Variants in ATG16L2 observed in about 807,000 individuals in gnomAD.
ATG16L2 encodes the protein protein Atg16l2.
ATG16L2 carries 77 observed loss-of-function variants against 84.7 expected under a neutral mutation model. The ratio of observed to expected loss-of-function variants is 0.91; its 90% CI spans 0.76 to 1.10. The LOEUF (loss-of-function observed/expected upper bound fraction) is 1.10. Ranked by LOEUF, ATG16L2 falls within the 50% of genes least tolerant of loss-of-function variation. ATG16L2 has a pLI of 0.00. For synonymous variants in ATG16L2, 361 were observed against 342.8 expected (o/e 1.05, Z -0.59); for missense variants, 782 against 817.6 (o/e 0.96, Z 0.53).
intron 9 of ATG16L2, 126 bp from the exon 10 acceptor site, chr11:72,825,176 A>G (rs535403649): frequency 2.0e-4 from 147 of 722,954 alleles, no homozygotes; most frequent in Admixed American, 5.8e-4. Context: ...GGACAGAGAA[A>G]CTGGGGAGGG....
intron 7 of ATG16L2, chr11:72,823,505 G>A (rs965484627): frequency 1.8e-4 from 67 of 370,094 alleles, no homozygotes; most frequent in East Asian, 1.2e-3. Flanking sequence ...GAGGCTGCCC[G>A]CTCTGGGCGC....
Position 72,822,324 on chromosome 11 carries a change from G to T in ATG16L2, c.644+29G>T. 1 of 1,526,436 alleles carries T rather than the reference G, an allele frequency of 6.6e-7. No homozygotes were observed. The allele number at this position is 1,526,436 out of a possible 1,614,324, so 94.6% of individuals were successfully genotyped here. A position where few individuals can be genotyped will look rare whatever the true frequency, so the allele number is the denominator to read the frequency against. ...AGGGAGCAGGCCCCGCCCCTCCTGA[G>T]GAAAGGCCCCGCCCCTGCAGGGAGG... On this transcript the variant is annotated intron_variant, in intron 5 of 17. Coordinates refer to ENST00000321297, the MANE Select transcript of ATG16L2 (RefSeq NM_033388.2). The surrounding 1 kb of genome is among the most constrained non-coding windows in gnomAD (Gnocchi z 4.2).
chr11:72,838,537 C>G (rs1004023548), intron 5 of ATG16L2: 24 of 532,630 alleles, frequency 4.5e-5, no homozygotes, highest in African/African-American at 1.1e-4. Flanking sequence ...AGGGCTGCCC[C>G]CCTCTTTGCT....
intron 4 of ATG16L2, 129 bp from the exon 5 acceptor site, chr11:72,821,915 G>A: frequency 6.3e-6 from 9 of 1,421,062 alleles, no homozygotes; most frequent in Non-Finnish European, 8.3e-6. Flanking sequence ...AGGCTTGGGG[G>A]AGACCTGGCT....
chr11:72,838,547 T>G, intron 5 of ATG16L2: 1 of 544,960 alleles, frequency 1.8e-6, no homozygotes, highest in Admixed American at 3.1e-5. Flanking sequence ...CCCTCTTTGC[T>G]CCTAGGGTCC....
chr11:72,829,567 G>T lies in ATG16L2; in HGVS notation c.*177G>T. 7.3e-7 allele frequency: 1 copy of T among 1,360,690 alleles called. No homozygotes were observed. The highest frequency in any genetic ancestry group is 1.8e-5 in the South Asian group (1 of 56,652). 84.3% of individuals were successfully genotyped at this position (1,360,690 alleles called of 1,614,324 possible). A position where few individuals can be genotyped will look rare whatever the true frequency, so the allele number is the denominator to read the frequency against. ...AAGTATGGGTTGGGGGATTACGCTAGTTTTTCTTTGTATTTTTATCTCTAT... is the reference window on the plus strand; with the variant it reads ...AAGTATGGGTTGGGGGATTACGCTATTTTTTCTTTGTATTTTTATCTCTAT... On this transcript the variant is annotated 3_prime_UTR_variant, in exon 18 of 18. Transcript: ENST00000321297.
intron 1 of ATG16L2, among the ~76,000 whole-genome samples, chr11:72,815,628 G>A (rs1392875308): frequency 4.6e-5 from 7 of 152,092 alleles, no homozygotes; most frequent in African/African-American, 1.7e-4. Context: ...CTAAGCCTCA[G>A]TCTTCTTACT....
In ATG16L2 at chr11:72,838,790, A is replaced by G. The variant is rs1181532105; in HGVS notation, c.*22-3827A>G. 4 of 1,598,364 alleles carry G rather than the reference A, an allele frequency of 2.5e-6. No homozygotes were observed. In the Admixed American group the frequency reaches 7.0e-5, roughly 28 times the overall value. On this transcript the variant is annotated intron_variant, in intron 5 of 5. Coordinates refer to the ATG16L2 transcript ENST00000534905. The stretch of plus-strand genomic sequence containing the variant: ...GCAGTAATGGATGGGCAAGCCCATC[A>G]TCACACCAGTGTGATTTCCACATCT...
At chr11:72,820,258 T>C (rs896596653) in intron 3 of ATG16L2, 3 of 152,218 alleles carry the variant, frequency 2.0e-5, no homozygotes, top group South Asian at 4.1e-4. Context: ...TGGTATGAAG[T>C]GTGTATATGT....
In ATG16L2 at chr11:72,822,078, C is replaced by CTT; in HGVS notation, c.427_428insTT (p.Arg143LeufsTer84). On this transcript the variant is annotated frameshift_variant, in exon 5 of 18. Transcript: ENST00000321297. LOFTEE classifies it high-confidence loss of function. This position sits in a 1 kb window ranked among gnomAD's most constrained non-coding sequence, Gnocchi z 4.2. ...CCTGGAGGCCCGCGTGGCGCAGCTG[C>CTT]GAGAGGCGCGGGCGCAGCAGGCCCA... 1 of 1,522,412 alleles carries CTT rather than the reference C, an allele frequency of 6.6e-7. No individual in the cohort carries two copies. The highest frequency in any genetic ancestry group is 8.7e-7 in the Non-Finnish European group (1 of 1,149,428). The allele number at this position is 1,522,412 out of a possible 1,614,324, so 94.3% of individuals were successfully genotyped here. A position where few individuals can be genotyped will look rare whatever the true frequency, so the allele number is the denominator to read the frequency against.
exon 6 of ATG16L2, chr11:72,843,608 C>T: frequency 1.1e-6 from 1 of 911,382 alleles, no homozygotes; most frequent in African/African-American, 1.7e-5. Flanking sequence ...ATGACAAAAA[C>T]TGGGGATCAA....
At chr11:72,815,685 G>A (rs1859663693) in intron 1 of ATG16L2, among the ~76,000 whole-genome samples, 1 of 152,226 alleles carries the variant, frequency 6.6e-6, no homozygotes, top group South Asian at 2.1e-4. Flanking sequence ...GGGTGCTGCA[G>A]TACCCTGGGG....
chr11:72,838,811 C>G, intron 5 of ATG16L2: 1 of 1,605,828 alleles, frequency 6.2e-7, no homozygotes. Flanking sequence ...GTGATTTCCA[C>G]ATCTTCAATC....
At chr11:72,826,066 T>G in intron 10 of ATG16L2, 107 bp from the exon 11 acceptor site, 3 of 861,222 alleles carry the variant, frequency 3.5e-6, no homozygotes, top group Non-Finnish European at 5.4e-6. Flanking sequence ...AACCTGGGGA[T>G]GTGTCGGGGG....
intron 5 of ATG16L2, chr11:72,837,242 A>G (rs1860756597): frequency 6.6e-6 from 1 of 152,266 alleles, no homozygotes; most frequent in Non-Finnish European, 1.5e-5. Context: ...AACAACAACG[A>G]AAAAAAACCC....
At chr11:72,832,927 GCCCCAAGCCT>G (rs1245190075), downstream of ATG16L2, among the ~76,000 whole-genome samples, 15 of 152,300 alleles carry the variant, frequency 9.8e-5, no homozygotes, top group East Asian at 2.9e-3. Context: ...GAAACTTCCT[GCCCCAAGCCT>G]CCCCAAAAGT....
intron 1 of ATG16L2, chr11:72,815,803 C>T (rs1038009446): frequency 2.0e-5 from 3 of 152,162 alleles, no homozygotes; most frequent in Admixed American, 6.6e-5. Flanking sequence ...TAGGCCCGGA[C>T]TTACCACCCC....
At chr11:72,823,158 C>A (rs74720753) in intron 7 of ATG16L2, 197 bp downstream of exon 7, 1 of 541,692 alleles carries the variant, frequency 1.8e-6, no homozygotes, top group East Asian at 3.2e-5. Context: ...TCTCACCCCC[C>A]CAACCCCTAC....
intron 13 of ATG16L2, 86 bp from the exon 14 acceptor site, chr11:72,827,102 C>A: frequency 9.0e-7 from 1 of 1,105,018 alleles, no homozygotes; most frequent in Non-Finnish European, 1.3e-6. Context: ...ACACTGGGTT[C>A]TGGGCCTCAG....
Sources: gnomAD v4.1 joint callset for allele counts (sites outside exome capture counted in the v4.1 genomes callset) on GRCh38, gnomAD v4.1.1 for gene constraint, Gnocchi (gnomAD v3.1) non-coding constraint, MANE v1.5 for transcripts, NCBI Gene and HGNC (gene_info 2026-07-23, HGNC 2026-07-21) for gene names.